Variants in AKAP19 observed in about 807,000 individuals in gnomAD.
The protein encoded by AKAP19 is small A-kinase anchoring protein.
chr2:189,983,639 G>A, the AKAP19 span, among the ~76,000 whole-genome samples: 8 of 152,178 alleles, frequency 5.3e-5, no homozygotes, highest in Admixed American at 2.6e-4. Flanking sequence ...TTGTCCCAAG[G>A]GAGCTGTGCT....
the AKAP19 span, among the ~76,000 whole-genome samples, chr2:190,137,446 C>T: frequency 1.3e-3 from 191 of 152,266 alleles, 1 homozygote; most frequent in African/African-American, 4.5e-3. Context: ...CCCTGGATAA[C>T]ATTTATACTC....
At chr2:190,093,562 T>C in the AKAP19 span, among the ~76,000 whole-genome samples, 15 of 152,240 alleles carry the variant, frequency 9.9e-5, no homozygotes, top group East Asian at 1.9e-4. Flanking sequence ...TTTAACATTA[T>C]AGAAATAAAG....
the AKAP19 span, chr2:190,181,089 A>G: frequency 8.1e-6 from 8 of 985,576 alleles, no homozygotes; most frequent in Non-Finnish European, 9.6e-6. Context: ...ATGGGCGCGC[A>G]GCTGCCGGGC....
chr2:189,950,688 T>A, the AKAP19 span, among the ~76,000 whole-genome samples: 9 of 152,222 alleles, frequency 5.9e-5, no homozygotes, highest in Admixed American at 5.9e-4. Flanking sequence ...CATGTAGATA[T>A]GAGAGATAAG....
the AKAP19 span, among the ~76,000 whole-genome samples, chr2:190,103,658 C>G: frequency 6.6e-6 from 1 of 152,262 alleles, no homozygotes; most frequent in South Asian, 2.1e-4. Flanking sequence ...ACAAGAAGAA[C>G]TGCAAAACAC....
At chr2:190,027,876 ATTTG>A in the AKAP19 span, among the ~76,000 whole-genome samples, 1 of 152,052 alleles carries the variant, frequency 6.6e-6, no homozygotes, top group South Asian at 2.1e-4. Context: ...ATACAATTAT[ATTTG>A]TTTGGCATCT....
At chr2:190,114,617 G>A in the AKAP19 span, among the ~76,000 whole-genome samples, 2 of 152,058 alleles carry the variant, frequency 1.3e-5, no homozygotes, top group Non-Finnish European at 2.9e-5. Flanking sequence ...CACCATGCCT[G>A]GCTAATTTTT....
At chr2:189,977,876 A>G in the AKAP19 span, among the ~76,000 whole-genome samples, 1 of 152,252 alleles carries the variant, frequency 6.6e-6, no homozygotes, top group Non-Finnish European at 1.5e-5. Flanking sequence ...ATAACAGTAC[A>G]CATTCAGTAG....
the AKAP19 span, among the ~76,000 whole-genome samples, chr2:189,984,072 A>G: frequency 2.0e-5 from 3 of 152,224 alleles, no homozygotes; most frequent in Non-Finnish European, 4.4e-5. Flanking sequence ...TCACAGGACC[A>G]CAGGACGGAG....
chr2:189,952,292 A>G, the AKAP19 span, among the ~76,000 whole-genome samples: 1 of 152,336 alleles, frequency 6.6e-6, no homozygotes, highest in South Asian at 2.1e-4. Context: ...CTAAGAGGGT[A>G]GAAGAAAGTT....
the AKAP19 span, among the ~76,000 whole-genome samples, chr2:190,092,048 ATTATG>A: frequency 6.6e-6 from 1 of 152,198 alleles, no homozygotes; most frequent in Non-Finnish European, 1.5e-5. Context: ...ACTATATTGT[ATTATG>A]TTATGTTAAT....
chr2:189,963,736 C>CTATG, the AKAP19 span, among the ~76,000 whole-genome samples: 1 of 151,570 alleles, frequency 6.6e-6, no homozygotes, highest in South Asian at 2.1e-4. Flanking sequence ...AAATCATTAT[C>CTATG]TATGGCAGCT....
the AKAP19 span, among the ~76,000 whole-genome samples, chr2:190,123,402 C>G: frequency 2.0e-5 from 3 of 151,980 alleles, no homozygotes; most frequent in Admixed American, 6.5e-5. Context: ...AATCTTTTTC[C>G]CTGGCAAAGC....
chr2:190,169,869 C>T, the AKAP19 span, among the ~76,000 whole-genome samples: 2 of 152,188 alleles, frequency 1.3e-5, no homozygotes, highest in Non-Finnish European at 2.9e-5. Context: ...GTATTAATAG[C>T]CTTAAACTGG....
chr2:189,979,354 G>C, the AKAP19 span, among the ~76,000 whole-genome samples: 1 of 152,118 alleles, frequency 6.6e-6, no homozygotes, highest in Non-Finnish European at 1.5e-5. Context: ...AATAAATGGT[G>C]CTGGGAAAAC....
the AKAP19 span, among the ~76,000 whole-genome samples, chr2:189,916,441 C>G: frequency 6.6e-6 from 1 of 151,748 alleles, no homozygotes; most frequent in African/African-American, 2.4e-5. Context: ...CATGCCTCAG[C>G]CTCCTGAATA....
chr2:190,081,375 C>T, the AKAP19 span, among the ~76,000 whole-genome samples: 5 of 152,114 alleles, frequency 3.3e-5, no homozygotes, highest in Admixed American at 3.3e-4. Context: ...TCTCCTCTCC[C>T]TCCCATACCC....
chr2:190,092,432 C>G, the AKAP19 span, among the ~76,000 whole-genome samples: 1 of 151,832 alleles, frequency 6.6e-6, no homozygotes, highest in Non-Finnish European at 1.5e-5. Context: ...GGTAAGGGCA[C>G]AGGGATCCAC....
chr2:190,067,298 T>C, the AKAP19 span, among the ~76,000 whole-genome samples: 1 of 152,284 alleles, frequency 6.6e-6, no homozygotes, highest in South Asian at 2.1e-4. Flanking sequence ...AAAACAGTTT[T>C]TATTTCATAG....
Sources: allele counts gnomAD v4.1 joint callset (sites outside exome capture counted in the v4.1 genomes callset), GRCh38; gene constraint gnomAD v4.1.1; transcripts MANE v1.5; gene names NCBI Gene and HGNC (gene_info 2026-07-23, HGNC 2026-07-21).